Variants in CYB5R4 observed in about 807,000 individuals in gnomAD.
The protein encoded by CYB5R4 is cytochrome b5 reductase 4.
A neutral mutation model predicts 70.2 loss-of-function variants in CYB5R4; 55 were observed. That is an observed-to-expected ratio of 0.78 (90% confidence interval 0.63 to 0.98). The LOEUF is 0.98. Ranked by LOEUF, CYB5R4 falls within the 50% of genes least tolerant of loss-of-function variation. The pLI, the probability that CYB5R4 is intolerant of heterozygous loss-of-function variation, is 0.00. For missense variants in CYB5R4, 562 were observed against 612.6 expected (o/e 0.92, Z 0.87); for synonymous variants, 197 against 199.5 (o/e 0.99, Z 0.11).
Position 83,940,094 on chromosome 6 carries a change from A to T in CYB5R4, c.1147A>T (p.Lys383Ter), listed in dbSNP as rs371530268. 2.0e-5 allele frequency: 32 copies of T among 1,610,744 alleles called. No individual in the cohort carries two copies. Among genetic ancestry groups the T allele is most frequent in the Non-Finnish European group, 2.5e-5 (29 of 1,178,334 alleles). Residue 383 changes from lysine (K) to a stop codon, truncating the protein, a stop_gained, in exon 13 of 16, where the codon AAA (lysine) becomes TAA (stop). Transcript: ENST00000369681. LOFTEE classifies it high-confidence loss of function. ...VSVSSPEGNFKISKFQELEDL... is the reference protein window; with the variant it reads ...VSVSSPEGNF ...TGTAAGCAGTCCTGAGGGCAATTTT[A>T]AAATATCCAAGTTCCAAGAATTAGA...
rs755584827 is a variant in CYB5R4 at position 83,955,329 on chromosome 6, A to G, written c.1378A>G (p.Ile460Val). The change falls in exon 15 of 16, where the codon ATT becomes GTT. Residue 460 changes from isoleucine (I) to valine (V), a missense_variant. Physicochemically the swap from Ile to Val is conservative, Grantham distance 29. Coordinates refer to ENST00000369681, the MANE Select transcript of CYB5R4 (RefSeq NM_016230.4). ...LDVEFVLSAPISEWNGKQGHI... is the reference protein window; with the variant it reads ...LDVEFVLSAPVSEWNGKQGHI... ...TGTTGAATTTGTTCTCTCAGCACCT[A>G]TTTCTGAATGGAATGGCAAACAGGG... The G allele has an allele frequency of 1.3e-5, 21 of 1,613,712 alleles. No homozygotes were observed. Among genetic ancestry groups the G allele is most frequent in the Middle Eastern group, 1.6e-4 (1 of 6,078 alleles).
chr6:83,889,425 C>T (rs2099460766), intron 2 of CYB5R4, among the ~76,000 whole-genome samples: 1 of 152,082 alleles, frequency 6.6e-6, no homozygotes, highest in African/African-American at 2.4e-5. Context: ...TCCTAGGGCC[C>T]TAGAGAATTA....
intron 2 of CYB5R4, among the ~76,000 whole-genome samples, chr6:83,873,995 A>C (rs756117821): frequency 6.6e-6 from 1 of 152,186 alleles, no homozygotes; most frequent in African/African-American, 2.4e-5. Context: ...AATTATGTAC[A>C]TGGGCAGGTG....
At chr6:83,903,999 T>G (rs1472039513) in intron 3 of CYB5R4, among the ~76,000 whole-genome samples, 1 of 152,156 alleles carries the variant, frequency 6.6e-6, no homozygotes, top group Non-Finnish European at 1.5e-5. Context: ...ACTTTTTGTT[T>G]TATTGATCCT....
At chr6:83,869,287 A>G (rs962315092) in intron 2 of CYB5R4, among the ~76,000 whole-genome samples, 3 of 152,206 alleles carry the variant, frequency 2.0e-5, no homozygotes, top group Non-Finnish European at 4.4e-5. Flanking sequence ...AAATTTACTC[A>G]TAGGAAGGTA....
intron 5 of CYB5R4, among the ~76,000 whole-genome samples, chr6:83,916,300 A>G (rs954791546): frequency 6.6e-6 from 1 of 151,782 alleles, no homozygotes; most frequent in South Asian, 2.1e-4. Flanking sequence ...ATTAGGTCAT[A>G]CAAGATCAAT....
At chr6:83,955,919 A>T (rs1351026257) in intron 15 of CYB5R4, among the ~76,000 whole-genome samples, 1 of 152,244 alleles carries the variant, frequency 6.6e-6, no homozygotes, top group Non-Finnish European at 1.5e-5. Context: ...GAAGACTAGA[A>T]CACAAATAAG....
At chr6:83,944,819 CA>C (rs2099470313) in intron 14 of CYB5R4, among the ~76,000 whole-genome samples, 1 of 151,362 alleles carries the variant, frequency 6.6e-6, no homozygotes, top group Non-Finnish European at 1.5e-5. Context: ...TTTAAACCAA[CA>C]AAGATCAAAA....
chr6:83,919,436 C>T lies in CYB5R4; in HGVS notation c.546C>T (p.Ala182=). The change falls in exon 7 of 16, where the codon GCC becomes GCT. Residue 182 remains alanine (A), a synonymous_variant. Transcript: ENST00000369681. The stretch of plus-strand genomic sequence containing the variant: ...AAACAGACTCTTTAGTCACCATTGC[C>T]ATATATACTAAACAGAAGGTAAATA... The part of the protein sequence containing the change: ...WFQTDSLVTI[A]IYTKQKDINL... 6.6e-7 allele frequency: 1 copy of T among 1,511,200 alleles called. No homozygotes were observed. Among genetic ancestry groups the T allele is most frequent in the Non-Finnish European group, 9.0e-7 (1 of 1,108,734 alleles). The allele number at this position is 1,511,200 out of a possible 1,614,324, so 93.6% of individuals were successfully genotyped here. A position where few individuals can be genotyped will look rare whatever the true frequency, so the allele number is the denominator to read the frequency against.
chr6:83,859,895 G>A (rs1588555377), intron 1 of CYB5R4, 38 bp downstream of exon 1: 1 of 1,573,786 alleles, frequency 6.4e-7, no homozygotes, highest in African/African-American at 1.4e-5. Context: ...CCCTCGCTGC[G>A]TTTCGAGCTC....
intron 2 of CYB5R4, among the ~76,000 whole-genome samples, chr6:83,881,827 TG>T (rs2129131680): frequency 6.6e-6 from 1 of 152,362 alleles, no homozygotes; most frequent in Admixed American, 6.5e-5. Flanking sequence ...AGTTCTCTGT[TG>T]TCCTAGCAGC....
chr6:83,908,287 ATTTAT>A (rs2099464126), intron 3 of CYB5R4, among the ~76,000 whole-genome samples: 2 of 151,680 alleles, frequency 1.3e-5, no homozygotes, highest in Non-Finnish European at 2.9e-5. Context: ...TCTTTTTTTA[ATTTAT>A]TTTAAGTTCT....
intron 11 of CYB5R4, among the ~76,000 whole-genome samples, chr6:83,934,979 C>T (rs1229665965): frequency 6.6e-6 from 1 of 152,136 alleles, no homozygotes; most frequent in South Asian, 2.1e-4. Flanking sequence ...ATTCCACCAG[C>T]ATTGTAATTT....
At chr6:83,923,927 G>A (rs911741145) in intron 9 of CYB5R4, among the ~76,000 whole-genome samples, 10 of 151,424 alleles carry the variant, frequency 6.6e-5, no homozygotes, top group South Asian at 2.1e-4. Flanking sequence ...AAAATTAGCC[G>A]GGCGTGGTGG....
chr6:83,917,702 A>G (rs1415513886), intron 5 of CYB5R4, among the ~76,000 whole-genome samples: 1 of 152,144 alleles, frequency 6.6e-6, no homozygotes, highest in Non-Finnish European at 1.5e-5. Flanking sequence ...TTATCATTCT[A>G]CTTATATAAA....
chr6:83,938,768 G>T (rs188414914), intron 12 of CYB5R4, among the ~76,000 whole-genome samples: 1 of 152,176 alleles, frequency 6.6e-6, no homozygotes, highest in Admixed American at 6.5e-5. Context: ...CAACTATCTG[G>T]CTTTCCTAAA....
rs982772350 is a variant in CYB5R4, at chr6:83,938,904, G to A, written c.1109-1152G>A. 7.9e-5 allele frequency among the ~76,000 whole-genome samples: 12 copies of A among 151,378 alleles called. No individual in the cohort carries two copies. The Middle Eastern group carries it at 0.01, about 129-fold the overall frequency. On this transcript the variant is annotated intron_variant, in intron 12 of 15. Coordinates refer to ENST00000369681, the MANE Select transcript of CYB5R4 (RefSeq NM_016230.4). ...TGGAGTGCAGTGGCATCGCAATCTC[G>A]GCTCACTGCAACCTCCGCCTCTCGG... is the stretch of plus-strand genomic sequence containing the variant.
At chr6:83,872,031 T>C (rs778758643) in intron 2 of CYB5R4, among the ~76,000 whole-genome samples, 1 of 152,212 alleles carries the variant, frequency 6.6e-6, no homozygotes, top group Non-Finnish European at 1.5e-5. Flanking sequence ...ATTAGTGATA[T>C]AGCTAGTTTA....
rs1368618055 is a variant in CYB5R4 at position 83,966,299 on chromosome 6, A to C, written c.*6421A>C. On this transcript the variant is annotated 3_prime_UTR_variant, in exon 16 of 16. Coordinates refer to ENST00000369681, the MANE Select transcript of CYB5R4 (RefSeq NM_016230.4). ...GAACCATATCTCAGTAAAGATATAA[A>C]AATGTTTTTGGGTACTAAGACTAAA... is the stretch of plus-strand genomic sequence containing the variant. 1 of 152,250 alleles carries C rather than the reference A, an allele frequency of 6.6e-6. No individual in the cohort carries two copies. Among genetic ancestry groups the C allele is most frequent in the East Asian group, 1.9e-4 (1 of 5,198 alleles). The allele number at this position is 152,250 out of a possible 1,614,324, so 9.4% of individuals were successfully genotyped here.
Sources: gnomAD v4.1 joint callset for allele counts (sites outside exome capture counted in the v4.1 genomes callset) on GRCh38, gnomAD v4.1.1 for gene constraint, MANE v1.5 for transcripts, NCBI Gene and HGNC (gene_info 2026-07-23, HGNC 2026-07-21) for gene names.